Variants in SEMA6B observed in about 807,000 individuals in gnomAD.
The protein encoded by SEMA6B is semaphorin 6B.
In SEMA6B, 47 loss-of-function variants were observed where a neutral mutation model predicts 78.6. The observed-to-expected ratio is 0.60, with a 90% confidence interval of 0.47 to 0.76. The LOEUF (loss-of-function observed/expected upper bound fraction) is 0.76. Among genes scored for constraint, SEMA6B ranks in the 30% least tolerant of loss-of-function variants. The pLI, the probability that SEMA6B is intolerant of heterozygous loss-of-function variation, is 0.00. For missense variants in SEMA6B, 1,213 were observed against 1,269.9 expected, an observed-to-expected ratio of 0.96 and a Z score of 0.68; for synonymous variants, 632 against 592.2, an observed-to-expected ratio of 1.07 and a Z score of -0.98.
rs1977051703 is a variant in SEMA6B at position 4,542,828 on chromosome 19, G to C, written c.*773C>G. The C allele has an allele frequency of 1.4e-6, 1 of 699,300 alleles. No individual in the cohort carries two copies. Among genetic ancestry groups the C allele is most frequent in the Admixed American group, 2.0e-5 (1 of 49,892 alleles). 43.3% of individuals were successfully genotyped at this position (699,300 alleles called of 1,614,324 possible). ...CCAAGCCCTTTAGACAGCTGCTGCC[G>C]ATGTGACTTCCGGGCAGGCCCTCCT... On this transcript the variant is annotated 3_prime_UTR_variant, in exon 17 of 17. Coordinates refer to ENST00000586582, the MANE Select transcript of SEMA6B (RefSeq NM_032108.4).
At chr19:4,556,471 C>A (rs1599782816) in intron 5 of SEMA6B, among the ~76,000 whole-genome samples, 1 of 96,356 alleles carries the variant, frequency 1.0e-5, no homozygotes, top group East Asian at 3.3e-4. Flanking sequence ...AAGTTGGGAG[C>A]GTGGCCAGAG....
chr19:4,552,415 C>A lies in SEMA6B; in HGVS notation c.989+7G>T, dbSNP rs534775659. 18 of 1,565,340 alleles carry A rather than the reference C, an allele frequency of 1.1e-5. No individual in the cohort carries two copies. In the East Asian group the frequency reaches 3.6e-4, roughly 31 times the overall value. ...CTCCCAGTTTGCTCCCATTGGTGGGCGCTGACCTGTTGCTGGGCGTGGAAA... is the reference window on the plus strand; with the variant it reads ...CTCCCAGTTTGCTCCCATTGGTGGGAGCTGACCTGTTGCTGGGCGTGGAAA... On this transcript the variant is annotated splice_region_variant and intron_variant, in intron 10 of 16. Transcript: ENST00000586582. The surrounding 1 kb of genome is among the most constrained non-coding windows in gnomAD (Gnocchi z 7.4).
rs1234939135 is a variant in SEMA6B, at chr19:4,548,170, A to T, written c.1458T>A (p.Cys486Ter). ...CTGTCTCGCCACCGCCGGGCCGTCCACACCTGGGGACAAGCAGAGTGGTGA... is the reference window on the plus strand; with the variant it reads ...CTGTCTCGCCACCGCCGGGCCGTCCTCACCTGGGGACAAGCAGAGTGGTGA... ...EEFETYRPDR[C>*]GRPGGGETGQ... is the part of the protein sequence containing the mutation. Residue 486 changes from cysteine to a stop codon, truncating the protein, a stop_gained, in exon 14 of 17, where the codon TGT becomes TGA. Transcript: ENST00000586582. LOFTEE classifies it high-confidence loss of function. The T allele has an allele frequency of 6.3e-7, 1 of 1,588,846 alleles. No homozygotes were observed. The highest frequency in any genetic ancestry group is 8.6e-7 in the Non-Finnish European group (1 of 1,162,946).
rs1977287748 is a variant in SEMA6B, at chr19:4,550,235, C to T, written c.1159G>A (p.Ala387Thr). The T allele has an allele frequency of 1.9e-6, 3 of 1,609,576 alleles. No individual in the cohort carries two copies. The highest frequency in any genetic ancestry group is 1.7e-6 in the Non-Finnish European group (2 of 1,177,592). Residue 387 changes from alanine (A) to threonine (T), a missense_variant, in exon 12 of 17, where the codon GCC (alanine) becomes ACC (threonine). Transcript: ENST00000586582. This position sits in a 1 kb window ranked among gnomAD's most constrained non-coding sequence, Gnocchi z 6.6. ...ATGTCATCCGGCAAGGCGCTGGAGG[C>T]ATTGTACTGCATCCCGGGGGCTGCG... ...CCAAPGMQYN[A>T]SSALPDDILN... is the part of the protein sequence containing the mutation.
Position 4,544,798 on chromosome 19 carries a change from G to A in SEMA6B, c.1739-269C>T, listed in dbSNP as rs1169132578. ...CCACAGGTGCCCACCACCACGCCCG[G>A]CTAATTTTTGTATTTTTAGTAGGAT... is the stretch of plus-strand genomic sequence containing the variant. On this transcript the variant is annotated intron_variant, in intron 16 of 16. Transcript: ENST00000586582. The surrounding 1 kb of genome is among the most constrained non-coding windows in gnomAD (Gnocchi z 5.1). Among the ~76,000 whole-genome samples the A allele has an allele frequency of 6.6e-6, 1 of 151,832 alleles. No individual in the cohort carries two copies. Among genetic ancestry groups the A allele is most frequent in the Admixed American group, 6.6e-5 (1 of 15,244 alleles).
rs1487099751 is a variant in SEMA6B, at chr19:4,543,031, G to A, written c.*570C>T. On this transcript the variant is annotated 3_prime_UTR_variant, in exon 17 of 17. Transcript: ENST00000586582. ...ATCGTCGCTCGTGGACACACACCCT[G>A]CACGCGTGGCCCACTTGACACACAC... is the stretch of plus-strand genomic sequence containing the variant. 5 of 677,730 alleles carry A rather than the reference G, an allele frequency of 7.4e-6. No homozygotes were observed. The highest frequency in any genetic ancestry group is 1.4e-5 in the Non-Finnish European group (5 of 369,802). The allele number at this position is 677,730 out of a possible 1,614,324, so 42.0% of individuals were successfully genotyped here.
rs1178534377 is a variant in SEMA6B, at chr19:4,552,403, C to T, written c.989+19G>A. 9 of 1,557,260 alleles carry T rather than the reference C, an allele frequency of 5.8e-6. No homozygotes were observed. The highest frequency in any genetic ancestry group is 7.0e-6 in the Non-Finnish European group (8 of 1,150,518). The stretch of plus-strand genomic sequence containing the variant: ...GCCCACCAAATGCTCCCAGTTTGCT[C>T]CCATTGGTGGGCGCTGACCTGTTGC... On this transcript the variant is annotated intron_variant, in intron 10 of 16. Coordinates refer to ENST00000586582, the MANE Select transcript of SEMA6B (RefSeq NM_032108.4). The surrounding 1 kb of genome is among the most constrained non-coding windows in gnomAD (Gnocchi z 7.4).
Position 4,542,834 on chromosome 19 carries a change from A to G in SEMA6B, c.*767T>C. The G allele has an allele frequency of 1.4e-6, 1 of 701,212 alleles. No individual in the cohort carries two copies. Among genetic ancestry groups the G allele is most frequent in the East Asian group, 2.7e-5 (1 of 37,220 alleles). 43.4% of individuals were successfully genotyped at this position (701,212 alleles called of 1,614,324 possible). A position where few individuals can be genotyped will look rare whatever the true frequency, so the allele number is the denominator to read the frequency against. ...CCTTTAGACAGCTGCTGCCGATGTG[A>G]CTTCCGGGCAGGCCCTCCTCGTGTC... On this transcript the variant is annotated 3_prime_UTR_variant, in exon 17 of 17. Transcript: ENST00000586582.
intron 16 of SEMA6B, among the ~76,000 whole-genome samples, chr19:4,545,582 G>A (rs1357208237): frequency 6.6e-6 from 1 of 152,018 alleles, no homozygotes; most frequent in Non-Finnish European, 1.5e-5. Flanking sequence ...TCAAGTGATC[G>A]TCCTGTCTTG....
intron 9 of SEMA6B, among the ~76,000 whole-genome samples, chr19:4,553,129 C>T (rs1009318857): frequency 6.6e-6 from 1 of 152,150 alleles, no homozygotes; most frequent in African/African-American, 2.4e-5. Context: ...TAAATAAATA[C>T]ATCTGAAGAA....
chr19:4,544,381 C>G lies in SEMA6B; in HGVS notation c.1887G>C (p.Glu629Asp). ...CCTCCTTGTCCTTGCGCCGGGCCAG[C>G]TCCCGCCGCTCACGGAGGCCCACGA... ...GWFVGLRERR[E>D]LARRKDKEAI... is the part of the protein sequence containing the mutation. The change falls in exon 17 of 17, where the codon GAG (glutamate) becomes GAC (aspartate). Residue 629 changes from glutamate to aspartate, a missense_variant. Transcript: ENST00000586582. The surrounding 1 kb of genome is among the most constrained non-coding windows in gnomAD (Gnocchi z 5.1). The G allele has an allele frequency of 6.3e-7, 1 of 1,592,138 alleles. No individual in the cohort carries two copies.
At position 4,542,696 on chromosome 19, in the gene SEMA6B, G is replaced by C; in HGVS notation, c.*905C>G. On this transcript the variant is annotated 3_prime_UTR_variant, in exon 17 of 17. Transcript: ENST00000586582. ...CACGTGGCATGCATGGTCAGCTGGA[G>C]GTCAGAGGGGGGAGGTCACAAGGGG... 1 of 665,910 alleles carries C rather than the reference G, an allele frequency of 1.5e-6. No homozygotes were observed. The highest frequency in any genetic ancestry group is 2.7e-5 in the East Asian group (1 of 36,374). The allele number at this position is 665,910 out of a possible 1,614,324, so 41.3% of individuals were successfully genotyped here.
In SEMA6B at chr19:4,542,787, G is replaced by C. The variant is rs573875723; in HGVS notation, c.*814C>G. On this transcript the variant is annotated 3_prime_UTR_variant, in exon 17 of 17. Transcript: ENST00000586582. ...TTACAGAGGGGCCCCACCCACCTTC[G>C]CCGCCCCCCAGGCCCCCAAGCCCTT... 3 of 699,028 alleles carry C rather than the reference G, an allele frequency of 4.3e-6. No homozygotes were observed. The highest frequency in any genetic ancestry group is 3.5e-5 in the African/African-American group (2 of 57,032). The allele number at this position is 699,028 out of a possible 1,614,324, so 43.3% of individuals were successfully genotyped here.
In SEMA6B at chr19:4,544,341, C is replaced by G. The variant is rs1033085752; in HGVS notation, c.1927G>C (p.Gly643Arg). The G allele has an allele frequency of 3.2e-6, 5 of 1,538,646 alleles. No homozygotes were observed. Among genetic ancestry groups the G allele is most frequent in the Middle Eastern group, 1.8e-4 (1 of 5,428 alleles). ...RKDKEAILAH[G>R]AGEAVLSVSR... ...ACGCTCAGCACCGCCTCGCCCGCCC[C>G]GTGCGCCAGGATGGCCTCCTTGTCC... The change falls in exon 17 of 17, where the codon GGG (glycine) becomes CGG (arginine). Residue 643 changes from glycine (G) to arginine (R), a missense_variant. By Grantham distance (125) the Gly-to-Arg change is moderately radical. Coordinates refer to ENST00000586582, the MANE Select transcript of SEMA6B (RefSeq NM_032108.4). This position sits in a 1 kb window ranked among gnomAD's most constrained non-coding sequence, Gnocchi z 5.1.
Position 4,556,048 on chromosome 19 carries a change from G to A in SEMA6B, c.411C>T (p.Asp137=). Residue 137 remains aspartate (D), a synonymous_variant, in exon 6 of 17, where the codon GAC becomes GAT. Coordinates refer to ENST00000586582, the MANE Select transcript of SEMA6B (RefSeq NM_032108.4). ...AACCGCACACAAAGAGCGTGGACTC[G>A]TCCCGAAGGAGCAGCACCTTTACGA... The part of the protein sequence containing the change: ...RNFVKVLLLR[D]ESTLFVCGSN... 1 of 1,614,144 alleles carries A rather than the reference G, an allele frequency of 6.2e-7. No homozygotes were observed. Among genetic ancestry groups the A allele is most frequent in the Non-Finnish European group, 8.5e-7 (1 of 1,180,000 alleles).
Position 4,558,440 on chromosome 19 carries a change from C to G in SEMA6B, c.18G>C (p.Ala6=). 1 of 1,251,664 alleles carries G rather than the reference C, an allele frequency of 8.0e-7. No homozygotes were observed. Among genetic ancestry groups the G allele is most frequent in the East Asian group, 3.1e-5 (1 of 31,994 alleles). 77.5% of individuals were successfully genotyped at this position (1,251,664 alleles called of 1,614,324 possible). Residue 6 remains alanine (A), a synonymous_variant, in exon 2 of 17, where the codon GCG becomes GCC. Coordinates refer to ENST00000586582, the MANE Select transcript of SEMA6B (RefSeq NM_032108.4). This position sits in a 1 kb window ranked among gnomAD's most constrained non-coding sequence, Gnocchi z 5.1. ...GCAGCAGGGCCGGGCGGGGAGGGGA[C>G]GCTCGCGGGGTCTGCATGGCGAGGG... MQTPR[A]SPPRPALLLL...
In SEMA6B at chr19:4,555,161, C is replaced by G. The variant is rs986774463; in HGVS notation, c.563-66G>C. 6.4e-7 allele frequency: 1 copy of G among 1,562,680 alleles called. No homozygotes were observed. The highest frequency in any genetic ancestry group is 1.3e-5 in the African/African-American group (1 of 74,124). ...CGCAGAGGCCAGGGGCTGGGTGGGT[C>G]GAAACTCGATTTTCTGAGACTGAGT... On this transcript the variant is annotated intron_variant, in intron 7 of 16. Transcript: ENST00000586582. This position sits in a 1 kb window ranked among gnomAD's most constrained non-coding sequence, Gnocchi z 6.1.
In SEMA6B at chr19:4,543,411, C is replaced by A. The variant is rs1977071803; in HGVS notation, c.*190G>T. 3.4e-6 allele frequency: 1 copy of A among 295,974 alleles called. No individual in the cohort carries two copies. The highest frequency in any genetic ancestry group is 6.1e-6 in the Non-Finnish European group (1 of 163,040). 18.3% of individuals were successfully genotyped at this position (295,974 alleles called of 1,614,324 possible). On this transcript the variant is annotated 3_prime_UTR_variant, in exon 17 of 17. Coordinates refer to ENST00000586582, the MANE Select transcript of SEMA6B (RefSeq NM_032108.4). ...ACCCCCAAACCGTCTCAGCGTCCTG[C>A]GGCCCCGGGTAGGGGGAGGGCGAGC...
chr19:4,544,165 G>A lies in SEMA6B; in HGVS notation c.2103C>T (p.Asp701=). The change falls in exon 17 of 17, where the codon GAC becomes GAT. Residue 701 remains aspartate (D), a synonymous_variant. Coordinates refer to ENST00000586582, the MANE Select transcript of SEMA6B (RefSeq NM_032108.4). This position sits in a 1 kb window ranked among gnomAD's most constrained non-coding sequence, Gnocchi z 5.1. ...KATLLQGGPH[D]LDSGLLPTPE... Reference sequence around the variant, plus strand: ...GCGTGGGCAGCAGCCCCGAGTCCAGGTCGTGGGGCCCGCCCTGCAGCAGCG... The same window carrying A: ...GCGTGGGCAGCAGCCCCGAGTCCAGATCGTGGGGCCCGCCCTGCAGCAGCG... The A allele has an allele frequency of 7.9e-7, 1 of 1,270,098 alleles. No homozygotes were observed. Among genetic ancestry groups the A allele is most frequent in the Non-Finnish European group, 9.9e-7 (1 of 1,010,012 alleles). The allele number at this position is 1,270,098 out of a possible 1,614,324, so 78.7% of individuals were successfully genotyped here.
Sources: allele counts gnomAD v4.1 joint callset (sites outside exome capture counted in the v4.1 genomes callset), GRCh38; gene constraint gnomAD v4.1.1; non-coding constraint Gnocchi (gnomAD v3.1); transcripts MANE v1.5; gene names NCBI Gene and HGNC (gene_info 2026-07-23, HGNC 2026-07-21).